Variants in LRBA observed in about 807,000 individuals in gnomAD.
LRBA encodes the protein lipopolysaccharide-responsive and beige-like anchor protein.
Under a neutral mutation model 330.0 loss-of-function variants are expected in LRBA, and 176 were observed. That is an observed-to-expected ratio of 0.53 (90% confidence interval 0.47 to 0.60). The LOEUF is 0.60. LRBA is among the 20% of genes least tolerant of loss of function. The pLI is 0.00. For synonymous variants in LRBA, 1,230 were observed against 1,193.0 expected (o/e 1.03, Z -0.64); for missense variants, 3,259 against 3,444.8 (o/e 0.95, Z 1.35).
Position 150,586,934 on chromosome 4 carries a change from A to G in LRBA, c.6330+1114T>C, listed in dbSNP as rs1035439449. 3.3e-5 allele frequency among the ~76,000 whole-genome samples: 5 copies of G among 152,284 alleles called. 1 individual carries two copies. The East Asian group carries it at 9.6e-4, about 29-fold the overall frequency. On this transcript the variant is annotated intron_variant, in intron 40 of 56. Transcript: ENST00000651943. ...TTCCTAAAGAAACTAATGCATTTTCAGACATTTCAGTCATGGGACAAAGTA... is the reference window on the plus strand; with the variant it reads ...TTCCTAAAGAAACTAATGCATTTTCGGACATTTCAGTCATGGGACAAAGTA...
chr4:150,974,518 C>A lies in LRBA; in HGVS notation c.216+39909G>T, dbSNP rs561661430. ...GTGGAAAGATCTCAAACATCCAAGG[C>A]TTTGGACTAAGCTTTAGTTGTACAA... On this transcript the variant is annotated intron_variant, in intron 2 of 56. Coordinates refer to ENST00000651943, the MANE Select transcript of LRBA (RefSeq NM_001364905.1). Among the ~76,000 whole-genome samples, 10 of 152,270 alleles carry A rather than the reference C, an allele frequency of 6.6e-5. No individual in the cohort carries two copies. In the East Asian group the frequency reaches 1.9e-3, roughly 29 times the overall value.
chr4:150,638,096 A>T (rs1469223340), intron 37 of LRBA, among the ~76,000 whole-genome samples: 3 of 146,688 alleles, frequency 2.0e-5, no homozygotes, highest in Non-Finnish European at 3.0e-5. Flanking sequence ...TTCTTTAATT[A>T]TTTTTTTTTT....
chr4:150,271,743 G>C (rs954590423), intron 56 of LRBA, among the ~76,000 whole-genome samples: 29 of 152,210 alleles, frequency 1.9e-4, no homozygotes, highest in African/African-American at 6.3e-4. Flanking sequence ...AAGCCTCTGG[G>C]GAGTTCGAAT....
chr4:150,967,610 A>T (rs1204607313), intron 2 of LRBA, among the ~76,000 whole-genome samples: 1 of 152,216 alleles, frequency 6.6e-6, no homozygotes, highest in Non-Finnish European at 1.5e-5. Context: ...TTTTTTACAA[A>T]TTGAAGGTTT....
chr4:150,341,332 T>C (rs1248086953), intron 48 of LRBA, among the ~76,000 whole-genome samples: 1 of 152,018 alleles, frequency 6.6e-6, no homozygotes, highest in African/African-American at 2.4e-5. Context: ...TGGCTAATTA[T>C]TTGTATTTTA....
chr4:150,552,156 C>G (rs1463690123), intron 40 of LRBA, among the ~76,000 whole-genome samples: 5 of 152,152 alleles, frequency 3.3e-5, no homozygotes, highest in Non-Finnish European at 5.9e-5. Context: ...ACCTGGCACT[C>G]CTCTCCTGCT....
At chr4:150,972,549 T>C (rs532152890) in intron 2 of LRBA, among the ~76,000 whole-genome samples, 11 of 152,330 alleles carry the variant, frequency 7.2e-5, no homozygotes, top group African/African-American at 2.4e-4. Context: ...ATACCATATG[T>C]ACCCCATAAA....
At position 150,831,855 on chromosome 4, in the gene LRBA, G is replaced by A. The variant is rs772834399; in HGVS notation, c.4691C>T (p.Thr1564Ile). 3 of 1,602,242 alleles carry A rather than the reference G, an allele frequency of 1.9e-6. No individual in the cohort carries two copies. The highest frequency in any genetic ancestry group is 1.3e-5 in the African/African-American group (1 of 74,516). Residue 1564 changes from threonine to isoleucine, a missense_variant, in exon 29 of 57, where the codon ACA (threonine) becomes ATA (isoleucine). Transcript: ENST00000651943. ...ATTCTCATTTTCACTGCCAGTTTCT[G>A]TACATGACTGGCTATGCCTTTCATT... The part of the protein sequence containing the change: ...PQNERHSQSC[T>I]ETGSENENVS...
intron 47 of LRBA, 21 bp downstream of exon 47, chr4:150,415,417 A>G: frequency 6.2e-7 from 1 of 1,609,626 alleles, no homozygotes; most frequent in Non-Finnish European, 8.5e-7. Context: ...TGACAGACAG[A>G]GTAGATGATT....
chr4:150,704,300 T>C (rs1785398612), intron 36 of LRBA, among the ~76,000 whole-genome samples: 1 of 152,008 alleles, frequency 6.6e-6, no homozygotes, highest in Non-Finnish European at 1.5e-5. Flanking sequence ...CCTAAAATGC[T>C]ATGTGCCAAA....
At chr4:150,557,802 T>C (rs1353111194) in intron 40 of LRBA, among the ~76,000 whole-genome samples, 1 of 152,192 alleles carries the variant, frequency 6.6e-6, no homozygotes, top group Non-Finnish European at 1.5e-5. Flanking sequence ...GTCACTGATA[T>C]TAGCCTTAAT....
intron 40 of LRBA, among the ~76,000 whole-genome samples, chr4:150,506,798 G>A (rs1039771687): frequency 2.0e-5 from 3 of 152,198 alleles, no homozygotes; most frequent in African/African-American, 7.2e-5. Context: ...GCCCCTGTTT[G>A]CAGATGACAT....
chr4:150,457,241 AT>A (rs1220406696), intron 44 of LRBA, among the ~76,000 whole-genome samples: 2 of 152,130 alleles, frequency 1.3e-5, no homozygotes, highest in Non-Finnish European at 2.9e-5. Flanking sequence ...AAGTAAGACA[AT>A]CTAAAAATTA....
At position 150,315,284 on chromosome 4, in the gene LRBA, A is replaced by G. The variant is rs1262649153; in HGVS notation, c.7693+277T>C. 5.9e-6 allele frequency: 3 copies of G among 507,556 alleles called. No individual in the cohort carries two copies. In the East Asian group the frequency reaches 1.1e-4, roughly 19 times the overall value. The allele number at this position is 507,556 out of a possible 1,614,324, so 31.4% of individuals were successfully genotyped here. On this transcript the variant is annotated intron_variant, in intron 51 of 56. Coordinates refer to ENST00000651943, the MANE Select transcript of LRBA (RefSeq NM_001364905.1). ...TGAAAAGATCCAATATTATCCTGAC[A>G]GTACTTCATGCGCATTCTCAATCAC...
chr4:150,464,745 T>C (rs62344668), intron 44 of LRBA, among the ~76,000 whole-genome samples: 1,727 of 152,170 alleles, frequency 0.011, 15 homozygotes, highest in Non-Finnish European at 0.02. Flanking sequence ...GTGTCCTCCA[T>C]GTGTCAGTCA....
intron 37 of LRBA, among the ~76,000 whole-genome samples, chr4:150,632,410 A>G (rs2126675504): frequency 6.6e-6 from 1 of 152,326 alleles, no homozygotes; most frequent in East Asian, 1.9e-4. Context: ...TCCCTGTTAC[A>G]GTGATGCCTG....
intron 37 of LRBA, among the ~76,000 whole-genome samples, chr4:150,672,562 TA>T (rs1014474399): frequency 6.6e-6 from 1 of 151,996 alleles, no homozygotes; most frequent in Non-Finnish European, 1.5e-5. Flanking sequence ...TATTATAATT[TA>T]TTTTTTTTAA....
rs1733936605 is a variant in LRBA, at chr4:150,926,905, T to C, written c.549+1611A>G. 2.6e-5 allele frequency among the ~76,000 whole-genome samples: 4 copies of C among 151,616 alleles called. No homozygotes were observed. In the South Asian group the frequency reaches 8.3e-4, roughly 32 times the overall value. On this transcript the variant is annotated intron_variant, in intron 4 of 56. Coordinates refer to ENST00000651943, the MANE Select transcript of LRBA (RefSeq NM_001364905.1). ...GACCAACACTGTGAAACCCTGTCTC[T>C]ACTAAAAATAGAAAAGTTAGCCAGG... is the stretch of plus-strand genomic sequence containing the variant.
At chr4:150,689,079 A>G (rs950075866) in intron 36 of LRBA, among the ~76,000 whole-genome samples, 1 of 152,194 alleles carries the variant, frequency 6.6e-6, no homozygotes, top group Non-Finnish European at 1.5e-5. Flanking sequence ...TCAATGTTAG[A>G]CTGGATAAAG....
Sources: allele counts gnomAD v4.1 joint callset (sites outside exome capture counted in the v4.1 genomes callset), GRCh38; gene constraint gnomAD v4.1.1; transcripts MANE v1.5; gene names NCBI Gene and HGNC (gene_info 2026-07-23, HGNC 2026-07-21).